RABGAP1L: variants seen among roughly 807,000 people sequenced by gnomAD.
RABGAP1L encodes the protein rab GTPase-activating protein 1-like.
RABGAP1L carries 63 observed loss-of-function variants against 137.7 expected under a neutral mutation model. That is an observed-to-expected ratio of 0.46 (90% CI 0.37 to 0.56). RABGAP1L has a LOEUF of 0.56. Among genes scored for constraint, RABGAP1L ranks in the 20% least tolerant of loss-of-function variants. RABGAP1L has a pLI of 0.00. For missense variants in RABGAP1L, 1,095 were observed against 1,244.0 expected, an observed-to-expected ratio of 0.88 and a Z score of 1.80; for synonymous variants, 431 against 433.7, an observed-to-expected ratio of 0.99 and a Z score of 0.08.
At chr1:174,334,084 C>T (rs752828155) in intron 11 of RABGAP1L, among the ~76,000 whole-genome samples, 21 of 152,148 alleles carry the variant, frequency 1.4e-4, no homozygotes, top group South Asian at 1.0e-3. Context: ...CATGTTGAGA[C>T]CTTGCACATG....
intron 13 of RABGAP1L, among the ~76,000 whole-genome samples, chr1:174,457,228 T>G (rs1232997206): frequency 6.6e-6 from 1 of 152,204 alleles, no homozygotes; most frequent in Non-Finnish European, 1.5e-5. Context: ...GAGAAGTTTT[T>G]GAAGTGAAAG....
chr1:174,753,124 T>C (rs1413512340), intron 18 of RABGAP1L, among the ~76,000 whole-genome samples: 2 of 151,010 alleles, frequency 1.3e-5, no homozygotes, highest in Non-Finnish European at 2.9e-5. Flanking sequence ...TTTTTCTAAG[T>C]GCTCAAAGTC....
intron 13 of RABGAP1L, among the ~76,000 whole-genome samples, chr1:174,474,858 CCTA>C (rs985430619): frequency 6.6e-6 from 1 of 152,078 alleles, no homozygotes; most frequent in Non-Finnish European, 1.5e-5. Context: ...GCCTCTGCCT[CCTA>C]AAGTGGTGGG....
intron 20 of RABGAP1L, among the ~76,000 whole-genome samples, chr1:174,962,589 A>G (rs1390205340): frequency 6.6e-6 from 1 of 152,246 alleles, no homozygotes; most frequent in Admixed American, 6.5e-5. Flanking sequence ...TACAAATGAA[A>G]TATTTGAAAT....
intron 13 of RABGAP1L, among the ~76,000 whole-genome samples, chr1:174,493,631 G>T (rs897295351): frequency 6.6e-6 from 1 of 151,738 alleles, no homozygotes; most frequent in Non-Finnish European, 1.5e-5. Flanking sequence ...ACCAGCCTGG[G>T]CAACATGGCA....
intron 13 of RABGAP1L, among the ~76,000 whole-genome samples, chr1:174,541,256 C>T (rs376525582): frequency 3.9e-5 from 6 of 152,046 alleles, no homozygotes; most frequent in Admixed American, 2.6e-4. Flanking sequence ...TTTGACTTCC[C>T]CTTTTCCTAA....
chr1:174,386,878 G>C (rs1392367075), intron 12 of RABGAP1L, among the ~76,000 whole-genome samples: 7 of 152,096 alleles, frequency 4.6e-5, no homozygotes, highest in Non-Finnish European at 7.4e-5. Context: ...CGATAACCCT[G>C]GCCCAGGCAG....
At chr1:174,367,319 C>A (rs1375053540) in intron 11 of RABGAP1L, 1 of 154,490 alleles carries the variant, frequency 6.5e-6, no homozygotes, top group African/African-American at 2.4e-5. Context: ...ATCATGGTTT[C>A]TCAGTTGCTG....
intron 13 of RABGAP1L, among the ~76,000 whole-genome samples, chr1:174,465,439 A>G (rs1657184737): frequency 6.6e-6 from 1 of 151,996 alleles, no homozygotes; most frequent in African/African-American, 2.4e-5. Context: ...ACCTCAGGCG[A>G]TCCACCCACT....
intron 10 of RABGAP1L, among the ~76,000 whole-genome samples, chr1:174,303,456 GC>G (rs1677912638): frequency 6.6e-6 from 1 of 152,098 alleles, no homozygotes; most frequent in African/African-American, 2.4e-5. Flanking sequence ...ATGATGGCAT[GC>G]CATATTGAAA....
chr1:174,322,226 T>C (rs1680059608), intron 11 of RABGAP1L, among the ~76,000 whole-genome samples: 1 of 152,192 alleles, frequency 6.6e-6, no homozygotes, highest in Non-Finnish European at 1.5e-5. Flanking sequence ...CATATAGGTC[T>C]GTTATCTATT....
intron 19 of RABGAP1L, among the ~76,000 whole-genome samples, chr1:174,912,302 C>G (rs1379520781): frequency 6.6e-6 from 1 of 152,046 alleles, no homozygotes; most frequent in African/African-American, 2.4e-5. Context: ...CCACCATGCC[C>G]AGCTAACTTT....
At chr1:174,732,200 C>A (rs553118019) in intron 17 of RABGAP1L, among the ~76,000 whole-genome samples, 13 of 120,024 alleles carry the variant, frequency 1.1e-4, no homozygotes, top group East Asian at 2.9e-4. Flanking sequence ...CCCATCCCCC[C>A]CAAAAAAAAA....
At chr1:174,380,970 G>A (rs1166617944) in intron 12 of RABGAP1L, among the ~76,000 whole-genome samples, 1 of 115,820 alleles carries the variant, frequency 8.6e-6, no homozygotes, top group Admixed American at 9.5e-5. Flanking sequence ...ATGCGTCCCA[G>A]AGATTCTGGT....
chr1:174,203,938 A>ATTT (rs59416325), intron 1 of RABGAP1L, among the ~76,000 whole-genome samples: 72 of 136,452 alleles, frequency 5.3e-4, no homozygotes, highest in Middle Eastern at 3.8e-3. Context: ...TTGTACATTG[A>ATTT]TTTTTTTTTT....
At chr1:174,241,964 T>TA (rs1671866548) in intron 5 of RABGAP1L, among the ~76,000 whole-genome samples, 1 of 152,206 alleles carries the variant, frequency 6.6e-6, no homozygotes, top group Admixed American at 6.5e-5. Context: ...GCTCTCTTAT[T>TA]ATTTTGCCCT....
intron 20 of RABGAP1L, among the ~76,000 whole-genome samples, chr1:174,961,359 C>CA (rs1224847702): frequency 6.6e-6 from 1 of 152,060 alleles, no homozygotes; most frequent in Admixed American, 6.6e-5. Flanking sequence ...GCAAAGTTAC[C>CA]AATTTCAGAA....
At chr1:174,334,777 TAAATG>T (rs1681328899) in intron 11 of RABGAP1L, among the ~76,000 whole-genome samples, 1 of 152,140 alleles carries the variant, frequency 6.6e-6, no homozygotes, top group Non-Finnish European at 1.5e-5. Context: ...TGAATAATAA[TAAATG>T]AATGAATGAA....
At position 174,331,688 on chromosome 1, in the gene RABGAP1L, T is replaced by C. The variant is rs567739752; in HGVS notation, c.1465+26561T>C. ...TCTTTTTTTTCTTTTTATTTTATTA[T>C]TGTTATACTTTAAGTTTTAGGGTAC... On this transcript the variant is annotated intron_variant, in intron 11 of 25. Coordinates refer to ENST00000681986, the MANE Select transcript of RABGAP1L (RefSeq NM_001366446.1). 4.0e-3 allele frequency among the ~76,000 whole-genome samples: 609 copies of C among 152,300 alleles called. 6 individuals carry two copies. The highest frequency in any genetic ancestry group is 0.012 in the African/African-American group (493 of 41,552).
Sources: gnomAD v4.1 joint callset for allele counts (sites outside exome capture counted in the v4.1 genomes callset) on GRCh38, gnomAD v4.1.1 for gene constraint, MANE v1.5 for transcripts, NCBI Gene and HGNC (gene_info 2026-07-23, HGNC 2026-07-21) for gene names.